Variants in EYS observed in about 807,000 individuals in gnomAD.
EYS encodes the protein EGF-like photoreceptor maintenance factor.
Under a neutral mutation model 282.1 loss-of-function variants are expected in EYS, and 250 were observed. The observed-to-expected ratio is 0.89, with a 90% CI of 0.80 to 0.98. The LOEUF is 0.98. Among genes scored for constraint, EYS ranks in the 50% least tolerant of loss-of-function variants. EYS has a pLI of 0.00. For synonymous variants in EYS, 1,355 were observed against 1,282.9 expected (o/e 1.06, Z -1.20); for missense variants, 4,016 against 3,709.0 (o/e 1.08, Z -2.15).
chr6:64,083,404 T>C (rs890738311), intron 31 of EYS, among the ~76,000 whole-genome samples: 4 of 152,162 alleles, frequency 2.6e-5, no homozygotes, highest in African/African-American at 9.6e-5. Flanking sequence ...CACCAGCCTA[T>C]CTCTGTAGGG....
chr6:63,907,632 T>C (rs1174940877), intron 35 of EYS, among the ~76,000 whole-genome samples: 1 of 152,190 alleles, frequency 6.6e-6, no homozygotes, highest in Non-Finnish European at 1.5e-5. Flanking sequence ...CATTCATTTT[T>C]TTATCTGTAT....
At chr6:64,428,022 A>C (rs2150457445) in intron 28 of EYS, among the ~76,000 whole-genome samples, 1 of 152,238 alleles carries the variant, frequency 6.6e-6, no homozygotes, top group South Asian at 2.1e-4. Flanking sequence ...GATCTACAAG[A>C]AACATTTTAA....
intron 35 of EYS, among the ~76,000 whole-genome samples, chr6:63,881,680 C>A (rs9362231): frequency 6.6e-6 from 1 of 152,212 alleles, no homozygotes; most frequent in East Asian, 1.9e-4. Context: ...CTCCCCTTGG[C>A]ACAAATATGC....
At chr6:65,468,237 A>C (rs574902778) in intron 5 of EYS, among the ~76,000 whole-genome samples, 2 of 152,180 alleles carry the variant, frequency 1.3e-5, no homozygotes, top group East Asian at 3.8e-4. Context: ...CCGAAGCTAC[A>C]AGAAGAGACA....
chr6:64,271,942 C>T (rs947180538), intron 30 of EYS, among the ~76,000 whole-genome samples: 29 of 152,100 alleles, frequency 1.9e-4, no homozygotes, highest in African/African-American at 5.6e-4. Flanking sequence ...TGGTTTCAAG[C>T]GATTCTCCTG....
chr6:64,311,559 A>T (rs1582578509), intron 29 of EYS, among the ~76,000 whole-genome samples: 1 of 152,206 alleles, frequency 6.6e-6, no homozygotes, highest in Admixed American at 6.5e-5. Flanking sequence ...TTAATAATAA[A>T]AACAAAATTC....
At chr6:64,396,687 C>G (rs1286127928) in intron 28 of EYS, among the ~76,000 whole-genome samples, 2 of 152,102 alleles carry the variant, frequency 1.3e-5, no homozygotes, top group Non-Finnish European at 2.9e-5. Flanking sequence ...CCATTCTCCA[C>G]TGTTCTGCAG....
intron 31 of EYS, among the ~76,000 whole-genome samples, chr6:64,180,568 AC>A (rs11292311): frequency 0.055 from 8,376 of 151,830 alleles, 737 homozygotes; most frequent in African/African-American, 0.19. Context: ...TTCAACCCAT[AC>A]CCCCTCCCAT....
In EYS at chr6:64,298,788, T is replaced by C. The variant is rs182184755; in HGVS notation, c.6191+8182A>G. On this transcript the variant is annotated intron_variant, in intron 30 of 42. Transcript: ENST00000503581. ...TATCCTCTCTAACAAAGATTTACTT[T>C]AGATCTAAAACCACAAATATTAAAT... Among the ~76,000 whole-genome samples, 14 of 152,244 alleles carry C rather than the reference T, an allele frequency of 9.2e-5. No homozygotes were observed. In the East Asian group the frequency reaches 2.5e-3, roughly 27 times the overall value.
intron 30 of EYS, among the ~76,000 whole-genome samples, chr6:64,255,675 A>C (rs7764565): frequency 0.69 from 104,436 of 151,838 alleles, 35,938 homozygotes; most frequent in South Asian, 0.71. Context: ...CATATGACTT[A>C]AATAACCAAG....
intron 5 of EYS, among the ~76,000 whole-genome samples, chr6:65,424,720 G>GTGTGTTAC (rs1457342230): frequency 1.3e-5 from 2 of 151,990 alleles, no homozygotes; most frequent in Non-Finnish European, 2.9e-5. Context: ...TCCAGATGAT[G>GTGTGTTAC]TGTGTTACAT....
At chr6:65,401,082 C>G (rs1766475705) in intron 7 of EYS, among the ~76,000 whole-genome samples, 1 of 151,938 alleles carries the variant, frequency 6.6e-6, no homozygotes, top group Non-Finnish European at 1.5e-5. Flanking sequence ...TGTACTTTAG[C>G]TCTTCAAGAA....
In EYS at chr6:64,950,800, T is replaced by TATAC. The variant is rs1554220919; in HGVS notation, c.2260-4887_2260-4886insGTAT. On this transcript the variant is annotated intron_variant, in intron 14 of 42. Transcript: ENST00000503581. ...AAATATATACACATATACATATACA[T>TATAC]ATATATATATATATATATATATATA... Among the ~76,000 whole-genome samples, 5 of 73,356 alleles carry TATAC rather than the reference T, an allele frequency of 6.8e-5. No homozygotes were observed. In the South Asian group the frequency reaches 1.5e-3, roughly 22 times the overall value. 48.1% of individuals were successfully genotyped at this position (73,356 alleles called of 152,430 possible). A position where few individuals can be genotyped will look rare whatever the true frequency, so the allele number is the denominator to read the frequency against.
At chr6:65,230,335 G>C (rs1766735356) in intron 12 of EYS, among the ~76,000 whole-genome samples, 1 of 148,180 alleles carries the variant, frequency 6.7e-6, no homozygotes, top group African/African-American at 2.5e-5. Flanking sequence ...TTGGCGAATA[G>C]CAGAGCATCC....
intron 2 of EYS, among the ~76,000 whole-genome samples, chr6:65,592,194 C>T (rs1174734266): frequency 6.6e-6 from 1 of 151,856 alleles, no homozygotes; most frequent in Non-Finnish European, 1.5e-5. Flanking sequence ...TGAACATTTT[C>T]ATAACTTTAA....
intron 22 of EYS, among the ~76,000 whole-genome samples, chr6:64,738,858 A>G (rs1283942893): frequency 1.3e-5 from 2 of 152,192 alleles, no homozygotes; most frequent in Non-Finnish European, 1.5e-5. Context: ...CCCAGGTTCA[A>G]GAGATTCTCC....
chr6:65,473,606 ATATT>A (rs1435224677), intron 5 of EYS, among the ~76,000 whole-genome samples: 1 of 151,990 alleles, frequency 6.6e-6, no homozygotes, highest in East Asian at 1.9e-4. Flanking sequence ...GCTAAGCACA[ATATT>A]TATATTTTAG....
At chr6:65,603,622 C>A (rs1393581602) in intron 2 of EYS, among the ~76,000 whole-genome samples, 4 of 151,894 alleles carry the variant, frequency 2.6e-5, no homozygotes, top group African/African-American at 9.7e-5. Flanking sequence ...CTGAAGAGGT[C>A]CTACATAAGT....
intron 22 of EYS, among the ~76,000 whole-genome samples, chr6:64,788,120 C>CCTAT (rs1313325888): frequency 1.3e-5 from 2 of 151,980 alleles, no homozygotes; most frequent in African/African-American, 4.8e-5. Flanking sequence ...TCTAACAATC[C>CCTAT]CTATCTGTCT....
Sources: gnomAD v4.1 joint callset for allele counts (sites outside exome capture counted in the v4.1 genomes callset) on GRCh38, gnomAD v4.1.1 for gene constraint, MANE v1.5 for transcripts, NCBI Gene and HGNC (gene_info 2026-07-23, HGNC 2026-07-21) for gene names.